GPHN: variants seen among roughly 807,000 people sequenced by gnomAD.
GPHN encodes the protein gephyrin.
A neutral mutation model predicts 95.5 loss-of-function variants in GPHN; 17 were observed. The ratio of observed to expected loss-of-function variants is 0.18; its 90% CI spans 0.12 to 0.27. The LOEUF is 0.27. Ranked by LOEUF, GPHN falls within the 10% of genes least tolerant of loss-of-function variation. The probability of loss-of-function intolerance (pLI) is 1.00; values close to 1 mark genes in which losing one functional copy is unlikely to be tolerated. For missense variants in GPHN, 660 were observed against 978.1 expected (o/e 0.67, Z 4.34); for synonymous variants, 320 against 322.5 (o/e 0.99, Z 0.08).
At chr14:66,552,986 T>C (rs961315940) in intron 1 of GPHN, among the ~76,000 whole-genome samples, 1 of 151,678 alleles carries the variant, frequency 6.6e-6, no homozygotes, top group African/African-American at 2.4e-5. Flanking sequence ...CTTTTTTCTT[T>C]TCTTTTCTTT....
chr14:66,958,148 CATT>C (rs1263074069), intron 8 of GPHN, among the ~76,000 whole-genome samples: 43 of 152,180 alleles, frequency 2.8e-4, no homozygotes, highest in African/African-American at 2.4e-5. Context: ...TTTCTCTCTT[CATT>C]ATTATCAGTT....
the GPHN span, among the ~76,000 whole-genome samples, chr14:67,445,046 C>G: frequency 3.3e-4 from 51 of 152,268 alleles, no homozygotes; most frequent in Non-Finnish European, 4.3e-4. Context: ...CAGGCATGAG[C>G]TACCATGCCT....
At chr14:67,190,068 ATTTTTT>A in the GPHN span, among the ~76,000 whole-genome samples, 1 of 115,450 alleles carries the variant, frequency 8.7e-6, no homozygotes, top group African/African-American at 3.4e-5. Context: ...TGCCCAGCTA[ATTTTTT>A]TTTTTTTTTT....
chr14:67,670,236 A>G, the GPHN span, among the ~76,000 whole-genome samples: 5 of 152,000 alleles, frequency 3.3e-5, no homozygotes, highest in Admixed American at 6.6e-5. Flanking sequence ...ACATCAATCA[A>G]CTGCTTTACG....
intron 18 of GPHN, among the ~76,000 whole-genome samples, chr14:67,146,802 G>C (rs1419646465): frequency 1.3e-5 from 2 of 152,216 alleles, no homozygotes; most frequent in Non-Finnish European, 2.9e-5. Context: ...GGGAGCCCAA[G>C]GTGGGCAGAT....
At chr14:67,375,330 A>G in the GPHN span, among the ~76,000 whole-genome samples, 6 of 150,284 alleles carry the variant, frequency 4.0e-5, no homozygotes, top group African/African-American at 1.5e-4. Context: ...ATCTCAACTT[A>G]CTGCAACCAC....
intron 4 of GPHN, among the ~76,000 whole-genome samples, chr14:66,837,303 A>G (rs2061871899): frequency 6.6e-6 from 1 of 151,556 alleles, no homozygotes; most frequent in Non-Finnish European, 1.5e-5. Flanking sequence ...AGGGACATGG[A>G]TGAAATTGGG....
chr14:67,176,279 A>G (rs1199498431), intron 21 of GPHN, among the ~76,000 whole-genome samples: 2 of 152,164 alleles, frequency 1.3e-5, no homozygotes, highest in Non-Finnish European at 2.9e-5. Context: ...GAGAGTTTTT[A>G]GCATGAAGGG....
At chr14:66,972,071 C>G (rs895921902) in intron 9 of GPHN, among the ~76,000 whole-genome samples, 4 of 151,506 alleles carry the variant, frequency 2.6e-5, no homozygotes, top group South Asian at 4.2e-4. Flanking sequence ...AGTTCGAGAC[C>G]AGCCTGGCCA....
chr14:67,011,573 CAAAAAAAAAAAAA>C (rs201978777), intron 9 of GPHN, among the ~76,000 whole-genome samples: 2 of 63,186 alleles, frequency 3.2e-5, no homozygotes, highest in South Asian at 6.4e-4. Flanking sequence ...GACCTTGCCT[CAAAAAAAAAAAAA>C]AAAAAAAAAA....
chr14:67,301,570 C>A, the GPHN span: 1 of 664,930 alleles, frequency 1.5e-6, no homozygotes, highest in Admixed American at 3.0e-5. Flanking sequence ...ATTCTCTAGC[C>A]TATTTTGATG....
the GPHN span, among the ~76,000 whole-genome samples, chr14:67,485,839 C>T: frequency 6.6e-6 from 1 of 152,248 alleles, no homozygotes; most frequent in Non-Finnish European, 1.5e-5. Flanking sequence ...GGAGGAGATG[C>T]TGCTGCTGAT....
intron 18 of GPHN, among the ~76,000 whole-genome samples, chr14:67,156,892 C>G (rs1367000008): frequency 6.6e-6 from 1 of 151,600 alleles, no homozygotes; most frequent in Non-Finnish European, 1.5e-5. Context: ...TCGTTTGAAC[C>G]CAGGAGACAG....
intron 17 of GPHN, chr14:67,142,883 A>G (rs1210143296): frequency 1.9e-5 from 4 of 209,276 alleles, no homozygotes; most frequent in Non-Finnish European, 3.9e-5. Flanking sequence ...GCTCTTTCCC[A>G]TTCCTTTCCT....
At chr14:66,514,494 A>G (rs117132215) in intron 1 of GPHN, among the ~76,000 whole-genome samples, 2,636 of 152,164 alleles carry the variant, frequency 0.017, 35 homozygotes, top group Middle Eastern at 0.054. Context: ...AGATCACTTC[A>G]AGGCTCTCAT....
intron 1 of GPHN, among the ~76,000 whole-genome samples, chr14:66,644,167 C>A (rs1019222292): frequency 6.6e-6 from 1 of 151,992 alleles, no homozygotes; most frequent in African/African-American, 2.4e-5. Flanking sequence ...GGGATTAGTT[C>A]TGTAAAATTC....
chr14:66,615,293 T>C (rs1346635045), intron 1 of GPHN, among the ~76,000 whole-genome samples: 1 of 152,166 alleles, frequency 6.6e-6, no homozygotes, highest in Non-Finnish European at 1.5e-5. Context: ...CCATACTGCC[T>C]TCCACAATGG....
the GPHN span, among the ~76,000 whole-genome samples, chr14:67,536,326 C>T: frequency 1.3e-5 from 2 of 151,820 alleles, no homozygotes; most frequent in African/African-American, 4.9e-5. Flanking sequence ...TCCCCAGAAA[C>T]GGGACACAAA....
At chr14:66,545,684 C>T (rs12890527) in intron 1 of GPHN, among the ~76,000 whole-genome samples, 33 of 97,402 alleles carry the variant, frequency 3.4e-4, no homozygotes, top group Non-Finnish European at 3.9e-4. Flanking sequence ...TAGGGGCGGC[C>T]GGGCAGAGGC....
Sources: gnomAD v4.1 joint callset for allele counts (sites outside exome capture counted in the v4.1 genomes callset) on GRCh38, gnomAD v4.1.1 for gene constraint, MANE v1.5 for transcripts, NCBI Gene and HGNC (gene_info 2026-07-23, HGNC 2026-07-21) for gene names.